The following IGF1 variants were observed in gnomAD, a reference collection of about 807,000 sequenced individuals.
The protein encoded by IGF1 is insulin-like growth factor 1.
A neutral mutation model predicts 13.8 loss-of-function variants in IGF1; 4 were observed. The ratio of observed to expected loss-of-function variants is 0.29; its 90% CI spans 0.14 to 0.66. The LOEUF is 0.66. Among genes scored for constraint, IGF1 ranks in the 30% least tolerant of loss-of-function variants. The pLI, the probability that IGF1 is intolerant of heterozygous loss-of-function variation, is 0.78. For missense variants in IGF1, 124 were observed against 188.5 expected, an observed-to-expected ratio of 0.66 and a Z score of 2.00; for synonymous variants, 76 against 72.6, an observed-to-expected ratio of 1.05 and a Z score of -0.23.
chr12:102,434,595 T>C (rs1382985970), intron 2 of IGF1, among the ~76,000 whole-genome samples: 3 of 150,990 alleles, frequency 2.0e-5, no homozygotes, highest in Non-Finnish European at 4.4e-5. Context: ...TTGTGAATAA[T>C]GCCGCAATAA....
chr12:102,477,535 ATTTTTT>A (rs371700453), intron 1 of IGF1, among the ~76,000 whole-genome samples: 1 of 140,620 alleles, frequency 7.1e-6, no homozygotes, highest in East Asian at 2.1e-4. Context: ...TCCAGTTCTC[ATTTTTT>A]TTTTTTTTTG....
upstream of IGF1, among the ~76,000 whole-genome samples, chr12:102,481,347 C>CTGTGTGTGTG (rs3033407): frequency 2.8e-5 from 4 of 140,376 alleles, no homozygotes; most frequent in East Asian, 2.1e-4. Context: ...TAACTCAAAC[C>CTGTGTGTGTG]TGTGTGTGTG....
chr12:102,431,725 G>A (rs1326135746), intron 2 of IGF1, among the ~76,000 whole-genome samples: 1 of 152,164 alleles, frequency 6.6e-6, no homozygotes, highest in Non-Finnish European at 1.5e-5. Context: ...TATCAATGAA[G>A]AATATGGGTG....
intron 2 of IGF1, among the ~76,000 whole-genome samples, chr12:102,435,476 T>C (rs1877147470): frequency 6.6e-6 from 1 of 152,228 alleles, no homozygotes; most frequent in Non-Finnish European, 1.5e-5. Context: ...TCAATCCATA[T>C]AGCTAATTCC....
intron 2 of IGF1, among the ~76,000 whole-genome samples, chr12:102,464,885 A>G (rs1047294166): frequency 6.6e-6 from 1 of 152,200 alleles, no homozygotes; most frequent in East Asian, 1.9e-4. Flanking sequence ...GAAATCACCA[A>G]TAGCTGACTT....
At chr12:102,433,680 A>G (rs1437477842) in intron 2 of IGF1, among the ~76,000 whole-genome samples, 1 of 152,068 alleles carries the variant, frequency 6.6e-6, no homozygotes, top group Non-Finnish European at 1.5e-5. Context: ...GAAGCACTAC[A>G]CTGGGCATTT....
intron 2 of IGF1, among the ~76,000 whole-genome samples, chr12:102,460,861 A>G (rs1005036658): frequency 6.6e-6 from 1 of 152,224 alleles, no homozygotes; most frequent in African/African-American, 2.4e-5. Context: ...AAGAATATAG[A>G]CAAGAAGTGG....
intron 2 of IGF1, among the ~76,000 whole-genome samples, chr12:102,441,902 C>CGCTGCTGCT (rs1326074639): frequency 3.2e-4 from 8 of 25,074 alleles, no homozygotes; most frequent in South Asian, 1.3e-3. Context: ...CATTCTATTA[C>CGCTGCTGCT]ACTGCTTCTT....
At chr12:102,433,287 C>T (rs1876905608) in intron 2 of IGF1, among the ~76,000 whole-genome samples, 2 of 152,132 alleles carry the variant, frequency 1.3e-5, no homozygotes, top group Admixed American at 1.3e-4. Context: ...TTCTCAGTAC[C>T]AGGGATAAGA....
intron 1 of IGF1, among the ~76,000 whole-genome samples, chr12:102,476,458 T>TG (rs1202451271): frequency 7.3e-6 from 1 of 136,846 alleles, no homozygotes; most frequent in Non-Finnish European, 1.7e-5. Flanking sequence ...ATTCCTTACC[T>TG]GGGGCATATC....
chr12:102,462,729 A>G (rs1454616928), intron 2 of IGF1: 2 of 152,190 alleles, frequency 1.3e-5, no homozygotes, highest in Non-Finnish European at 2.9e-5. Flanking sequence ...CCATACTAGG[A>G]GGTAAGAATC....
chr12:102,441,918 T>TCTTCTTCTTCTTCTTCTTCTTCTC (rs1877804574), intron 2 of IGF1, among the ~76,000 whole-genome samples: 1 of 83,064 alleles, frequency 1.2e-5, no homozygotes, highest in Admixed American at 1.3e-4. Flanking sequence ...TTCTTCTCCT[T>TCTTCTTCTTCTTCTTCTTCTTCTC]CTTCTTCTTC....
chr12:102,459,466 T>A (rs1879722158), intron 2 of IGF1, among the ~76,000 whole-genome samples: 1 of 151,892 alleles, frequency 6.6e-6, no homozygotes, highest in South Asian at 2.1e-4. Context: ...GTGATGGGAC[T>A]GGAAGGATCT....
chr12:102,402,814 A>G (rs1219578830), intron 3 of IGF1, among the ~76,000 whole-genome samples: 1 of 152,174 alleles, frequency 6.6e-6, no homozygotes, highest in Admixed American at 6.5e-5. Flanking sequence ...TTATAATCAC[A>G]CAAAGATGAG....
chr12:102,428,148 G>A (rs1876378296), intron 2 of IGF1, among the ~76,000 whole-genome samples: 1 of 147,212 alleles, frequency 6.8e-6, no homozygotes, highest in Middle Eastern at 3.5e-3. Flanking sequence ...ACAACCAAAT[G>A]TGCTAGATAA....
In IGF1 at chr12:102,401,049, T is replaced by C. The variant is rs959959214; in HGVS notation, c.*1458A>G. The C allele has an allele frequency of 1.3e-5, 2 of 152,200 alleles. No homozygotes were observed. The highest frequency in any genetic ancestry group is 2.4e-5 in the African/African-American group (1 of 41,444). 9.4% of individuals were successfully genotyped at this position (152,200 alleles called of 1,614,324 possible). On this transcript the variant is annotated 3_prime_UTR_variant, in exon 4 of 4. Transcript: ENST00000337514. The stretch of plus-strand genomic sequence containing the variant: ...ATGTCAGGAGCATTCAATTCACCAA[T>C]CTCTAGCTATGCTATGAATGGGTTA...
chr12:102,444,930 T>C (rs1426672424), intron 2 of IGF1, among the ~76,000 whole-genome samples: 1 of 152,062 alleles, frequency 6.6e-6, no homozygotes, highest in Non-Finnish European at 1.5e-5. Flanking sequence ...TGGCCTCCAC[T>C]CAAGAGCCAA....
chr12:102,473,032 T>G (rs1393456371), intron 2 of IGF1, among the ~76,000 whole-genome samples: 1 of 152,176 alleles, frequency 6.6e-6, no homozygotes, highest in Non-Finnish European at 1.5e-5. Context: ...TGGATTCAAC[T>G]AGACTCAATT....
intron 2 of IGF1, among the ~76,000 whole-genome samples, chr12:102,475,030 C>T (rs1216433939): frequency 6.6e-6 from 1 of 152,120 alleles, no homozygotes; most frequent in Non-Finnish European, 1.5e-5. Flanking sequence ...ACAAAAAAAT[C>T]AAGGTCAAGT....
Sources: allele counts gnomAD v4.1 joint callset (sites outside exome capture counted in the v4.1 genomes callset), GRCh38; gene constraint gnomAD v4.1.1; transcripts MANE v1.5; gene names NCBI Gene and HGNC (gene_info 2026-07-23, HGNC 2026-07-21).